The following TENM2 variants were observed in gnomAD, a reference collection of about 807,000 sequenced individuals.
The protein encoded by TENM2 is teneurin transmembrane protein 2, also known as teneurin-2.
Under a neutral mutation model 245.2 loss-of-function variants are expected in TENM2, and 52 were observed. That is an observed-to-expected ratio of 0.21 (90% CI 0.17 to 0.27). The LOEUF (loss-of-function observed/expected upper bound fraction) is 0.27. Ranked by LOEUF, TENM2 falls within the 10% of genes least tolerant of loss-of-function variation. TENM2 has a pLI of 1.00. For synonymous variants in TENM2, 1,363 were observed against 1,438.9 expected (o/e 0.95, Z 1.19); for missense variants, 3,046 against 3,666.8 (o/e 0.83, Z 4.37).
chr5:168,152,586 A>G (rs1230705078), intron 12 of TENM2, among the ~76,000 whole-genome samples: 1 of 152,138 alleles, frequency 6.6e-6, no homozygotes, highest in South Asian at 2.1e-4. Context: ...CTTTGTCCCT[A>G]TTTCCATACT....
chr5:167,969,887 C>A (rs1211416229), intron 4 of TENM2, among the ~76,000 whole-genome samples: 3 of 152,182 alleles, frequency 2.0e-5, no homozygotes. Context: ...ATTAATTGGC[C>A]AGGCCTGGAT....
the TENM2 span, among the ~76,000 whole-genome samples, chr5:167,264,766 T>C: frequency 5.1e-4 from 77 of 152,298 alleles, no homozygotes; most frequent in Admixed American, 9.2e-4. Context: ...ATCTGAATAA[T>C]ATTATTTCTT....
intron 1 of TENM2, among the ~76,000 whole-genome samples, chr5:167,304,266 C>A (rs1755533188): frequency 6.6e-6 from 1 of 152,208 alleles, no homozygotes; most frequent in Admixed American, 6.5e-5. Flanking sequence ...TGATTAGGCA[C>A]CCACAACGGC....
chr5:167,485,107 G>A (rs967849014), intron 2 of TENM2, among the ~76,000 whole-genome samples: 1 of 152,136 alleles, frequency 6.6e-6, no homozygotes, highest in Admixed American at 6.5e-5. Flanking sequence ...TCCAGCCGGT[G>A]GCCCTATTAG....
chr5:167,350,862 G>T (rs143743986), intron 1 of TENM2, among the ~76,000 whole-genome samples: 17 of 34,378 alleles, frequency 4.9e-4, no homozygotes, highest in African/African-American at 1.5e-3. Flanking sequence ...TATATGGGAT[G>T]TATACATATG....
the TENM2 span, among the ~76,000 whole-genome samples, chr5:167,083,966 G>T: frequency 6.6e-6 from 1 of 152,130 alleles, no homozygotes; most frequent in African/African-American, 2.4e-5. Flanking sequence ...AAAGTTACCT[G>T]AGGGTGCTAA....
At chr5:168,152,153 G>T (rs566136767) in intron 12 of TENM2, among the ~76,000 whole-genome samples, 1 of 152,160 alleles carries the variant, frequency 6.6e-6, no homozygotes, top group Non-Finnish European at 1.5e-5. Flanking sequence ...GGGTTGTTGC[G>T]ACAATTAAAT....
chr5:167,064,407 C>T, the TENM2 span, among the ~76,000 whole-genome samples: 3 of 152,148 alleles, frequency 2.0e-5, no homozygotes, highest in African/African-American at 4.8e-5. Context: ...CCATGGGGCC[C>T]GCAGATGGCA....
intron 2 of TENM2, among the ~76,000 whole-genome samples, chr5:167,442,013 A>G (rs1764906255): frequency 6.6e-6 from 1 of 152,238 alleles, no homozygotes; most frequent in Admixed American, 6.5e-5. Flanking sequence ...TGCCAAAGAA[A>G]AGAAGAGAAA....
At chr5:167,619,933 A>G (rs1449508182) in intron 2 of TENM2, among the ~76,000 whole-genome samples, 1 of 152,192 alleles carries the variant, frequency 6.6e-6, no homozygotes, top group East Asian at 1.9e-4. Context: ...ACTCGTTTCT[A>G]CCACCACTAA....
At chr5:166,984,404 A>G in the TENM2 span, among the ~76,000 whole-genome samples, 1 of 152,044 alleles carries the variant, frequency 6.6e-6, no homozygotes, top group African/African-American at 2.4e-5. Flanking sequence ...TGTCATTTTT[A>G]TTATTGCTTA....
chr5:168,102,792 C>T (rs1793925538), intron 9 of TENM2, among the ~76,000 whole-genome samples: 1 of 152,272 alleles, frequency 6.6e-6, no homozygotes, highest in Non-Finnish European at 1.5e-5. Flanking sequence ...ATAACAATAG[C>T]TTTTAAGTAC....
intron 4 of TENM2, among the ~76,000 whole-genome samples, chr5:167,973,462 A>G (rs539953465): frequency 1.3e-5 from 2 of 152,342 alleles, no homozygotes; most frequent in Middle Eastern, 3.4e-3. Flanking sequence ...TCGAAAAGAC[A>G]TGGCCCCTGA....
chr5:167,533,355 G>A (rs911807264), intron 2 of TENM2, among the ~76,000 whole-genome samples: 1 of 152,136 alleles, frequency 6.6e-6, no homozygotes, highest in Non-Finnish European at 1.5e-5. Flanking sequence ...ATTTGTACAG[G>A]CTTGAGTACA....
At chr5:167,493,902 G>T (rs748779444) in intron 2 of TENM2, among the ~76,000 whole-genome samples, 4 of 152,102 alleles carry the variant, frequency 2.6e-5, no homozygotes, top group Non-Finnish European at 4.4e-5. Context: ...ATAAAGAGTG[G>T]CATGGGTGTA....
At chr5:168,171,995 G>A (rs1758878694) in intron 13 of TENM2, among the ~76,000 whole-genome samples, 1 of 152,194 alleles carries the variant, frequency 6.6e-6, no homozygotes, top group Non-Finnish European at 1.5e-5. Flanking sequence ...GCCATCACTA[G>A]CTCTCTTGCT....
intron 2 of TENM2, among the ~76,000 whole-genome samples, chr5:167,568,384 A>G (rs745506164): frequency 6.6e-5 from 10 of 152,146 alleles, no homozygotes; most frequent in Admixed American, 3.9e-4. Context: ...AGATGAATGT[A>G]GGCAAAATTG....
At chr5:168,248,706 C>T (rs534661143) in intron 27 of TENM2, among the ~76,000 whole-genome samples, 24 of 152,328 alleles carry the variant, frequency 1.6e-4, no homozygotes, top group Admixed American at 1.2e-3. Flanking sequence ...CAAATTCTCT[C>T]TCTTCTATTT....
At chr5:167,897,473 T>G (rs1775311750) in intron 3 of TENM2, among the ~76,000 whole-genome samples, 1 of 152,198 alleles carries the variant, frequency 6.6e-6, no homozygotes, top group Admixed American at 6.5e-5. Context: ...TTAAAAAGAT[T>G]TATAAACCCC....
Sources: allele counts gnomAD v4.1 joint callset (sites outside exome capture counted in the v4.1 genomes callset), GRCh38; gene constraint gnomAD v4.1.1; transcripts MANE v1.5; gene names NCBI Gene and HGNC (gene_info 2026-07-23, HGNC 2026-07-21).